The following C4orf51 variants were observed in gnomAD, a reference collection of about 807,000 sequenced individuals.
C4orf51 encodes the protein chromosome 4 open reading frame 51, also known as uncharacterized protein C4orf51.
Under a neutral mutation model 25.2 loss-of-function variants are expected in C4orf51, and 25 were observed. The observed-to-expected ratio is 0.99, with a 90% CI of 0.72 to 1.39. The LOEUF is 1.39. Among genes scored for constraint, C4orf51 ranks in the 40% most tolerant of loss-of-function variants. The pLI is 0.00. For missense variants in C4orf51, 252 were observed against 239.6 expected, an observed-to-expected ratio of 1.05 and a Z score of -0.34; for synonymous variants, 100 against 84.5, an observed-to-expected ratio of 1.18 and a Z score of -1.01.
intron 1 of C4orf51, among the ~76,000 whole-genome samples, chr4:145,689,350 A>C (rs2126666152): frequency 6.6e-6 from 1 of 152,258 alleles, no homozygotes. Context: ...AGCCACAGAG[A>C]AGAATATATT....
Position 145,763,929 on chromosome 4 carries a change from G to A in C4orf51, n.167-7059G>A, listed in dbSNP as rs1734889638. On this transcript the variant is annotated intron_variant and non_coding_transcript_variant, in intron 1 of 1. Transcript: ENST00000510096. The surrounding 1 kb of genome is among the most constrained non-coding windows in gnomAD (Gnocchi z 4.6). ...TGTTGTTCCCTGACTCTTCTATGTG[G>A]GGGAGTTTTTGAGGAGGCAGGGGCC... Among the ~76,000 whole-genome samples, 1 of 151,972 alleles carries A rather than the reference G, an allele frequency of 6.6e-6. No homozygotes were observed. Among genetic ancestry groups the A allele is most frequent in the Non-Finnish European group, 1.5e-5 (1 of 67,986 alleles).
At chr4:145,776,452 C>A in the C4orf51 span, among the ~76,000 whole-genome samples, 1 of 146,300 alleles carries the variant, frequency 6.8e-6, no homozygotes, top group Non-Finnish European at 1.5e-5. Context: ...CGGAGATAAA[C>A]CTTGTTTCAA....
intron 1 of C4orf51, among the ~76,000 whole-genome samples, chr4:145,685,654 G>A (rs551692683): frequency 7.2e-4 from 110 of 152,316 alleles, no homozygotes; most frequent in African/African-American, 2.1e-3. Flanking sequence ...TAACATAACC[G>A]ATTAGGTCAG....
At chr4:145,770,571 A>G (rs1736117098) in intron 1 of C4orf51, among the ~76,000 whole-genome samples, 1 of 151,546 alleles carries the variant, frequency 6.6e-6, no homozygotes, top group African/African-American at 2.4e-5. Context: ...AAATATTATT[A>G]TTCTATTATA....
intron 1 of C4orf51, among the ~76,000 whole-genome samples, chr4:145,739,472 C>T (rs1015068906): frequency 2.0e-5 from 3 of 152,172 alleles, no homozygotes; most frequent in African/African-American, 7.2e-5. Flanking sequence ...TGATATTCAA[C>T]CAACAATAGC....
chr4:145,727,895 G>GTGTATA (rs529040880), intron 3 of C4orf51, among the ~76,000 whole-genome samples: 3,675 of 101,542 alleles, frequency 0.036, 95 homozygotes, highest in East Asian at 0.067. Flanking sequence ...AAAAAAATGT[G>GTGTATA]TATATATATA....
intron 1 of C4orf51, among the ~76,000 whole-genome samples, chr4:145,693,552 C>A (rs28420325): frequency 0.21 from 31,097 of 150,824 alleles, 3,229 homozygotes; most frequent in East Asian, 0.31. Flanking sequence ...GTTGGGTACA[C>A]CTCCCAGATG....
chr4:145,739,497 G>A (rs189786228), intron 1 of C4orf51, among the ~76,000 whole-genome samples: 98 of 152,288 alleles, frequency 6.4e-4, no homozygotes, highest in African/African-American at 2.2e-3. Flanking sequence ...CTGAACAAAT[G>A]AAGGCAGGAG....
At chr4:145,712,746 A>G (rs2126730322) in intron 2 of C4orf51, among the ~76,000 whole-genome samples, 2 of 152,380 alleles carry the variant, frequency 1.3e-5, no homozygotes, top group Middle Eastern at 6.8e-3. Context: ...ACTAAACAAT[A>G]TATTTTCCAT....
downstream of C4orf51, among the ~76,000 whole-genome samples, chr4:145,736,956 C>T (rs1391055468): frequency 2.6e-5 from 4 of 152,174 alleles, no homozygotes; most frequent in South Asian, 8.3e-4. Context: ...GGCGAGAGTC[C>T]TCTCTAGTTC....
intron 1 of C4orf51, among the ~76,000 whole-genome samples, chr4:145,750,936 G>A (rs942005556): frequency 2.6e-5 from 4 of 151,934 alleles, no homozygotes; most frequent in South Asian, 4.2e-4. Flanking sequence ...AAGAGATTCC[G>A]TTGCATTCTT....
chr4:145,744,253 A>G (rs1224459600), intron 1 of C4orf51, among the ~76,000 whole-genome samples: 3 of 152,186 alleles, frequency 2.0e-5, no homozygotes, highest in African/African-American at 4.8e-5. Flanking sequence ...AATATGTTCA[A>G]CTGGGATGGA....
At chr4:145,692,485 ATAAT>A (rs1729649491) in intron 1 of C4orf51, among the ~76,000 whole-genome samples, 1 of 152,238 alleles carries the variant, frequency 6.6e-6, no homozygotes, top group South Asian at 2.1e-4. Flanking sequence ...CTACTGAAGA[ATAAT>A]TACTGGGGAT....
the C4orf51 span, among the ~76,000 whole-genome samples, chr4:145,782,253 G>A: frequency 3.3e-5 from 5 of 152,206 alleles, no homozygotes; most frequent in East Asian, 1.9e-4. Context: ...ACATGACCTC[G>A]AAATCACGGC....
the C4orf51 span, among the ~76,000 whole-genome samples, chr4:145,791,645 T>C: frequency 6.6e-6 from 1 of 152,216 alleles, no homozygotes; most frequent in African/African-American, 2.4e-5. Flanking sequence ...ATACTTTCTT[T>C]AATGGTTAAG....
At chr4:145,702,699 G>A (rs1730534016) in intron 2 of C4orf51, among the ~76,000 whole-genome samples, 1 of 152,018 alleles carries the variant, frequency 6.6e-6, no homozygotes, top group African/African-American at 2.4e-5. Flanking sequence ...ATCTCCTTAG[G>A]CACTCTCTAA....
chr4:145,759,137 GATAA>G (rs1277869439), downstream of C4orf51: 1 of 152,106 alleles, frequency 6.6e-6, no homozygotes, highest in East Asian at 1.9e-4. Context: ...TTCTCCAATA[GATAA>G]ATAATATATA....
rs961299624 is a variant in C4orf51, at chr4:145,729,232, A to T, written c.427+3A>T. 10 of 1,595,542 alleles carry T rather than the reference A, an allele frequency of 6.3e-6. No homozygotes were observed. Among genetic ancestry groups the T allele is most frequent in the Non-Finnish European group, 7.7e-6 (9 of 1,165,770 alleles). ...ACCTCCAAATTATGGAAAATACTGT[A>T]AGTCCCATCCTGAACTACTACTTTA... On this transcript the variant is annotated splice_donor_region_variant and intron_variant, in intron 4 of 5. Coordinates refer to ENST00000438731, the MANE Select transcript of C4orf51 (RefSeq NM_001080531.3).
Position 145,711,209 on chromosome 4 carries a change from A to G in C4orf51, c.307+14577A>G, listed in dbSNP as rs185527112. On this transcript the variant is annotated intron_variant, in intron 2 of 5. Transcript: ENST00000438731. ...TACCCCTAAGGAAAAATTCACCACA[A>G]TGCACTCAGTCCTCTTTTGTTGAGG... Among the ~76,000 whole-genome samples, 136 of 152,224 alleles carry G rather than the reference A, an allele frequency of 8.9e-4. 1 individual carries two copies. Among genetic ancestry groups the G allele is most frequent in the Admixed American group, 8.0e-3 (123 of 15,292 alleles).
Sources: allele counts gnomAD v4.1 joint callset (sites outside exome capture counted in the v4.1 genomes callset), GRCh38; gene constraint gnomAD v4.1.1; non-coding constraint Gnocchi (gnomAD v3.1); transcripts MANE v1.5; gene names NCBI Gene and HGNC (gene_info 2026-07-23, HGNC 2026-07-21).